The following ATRNL1 variants were observed in gnomAD, a reference collection of about 807,000 sequenced individuals.
The protein encoded by ATRNL1 is attractin like 1.
Under a neutral mutation model 182.7 loss-of-function variants are expected in ATRNL1, and 95 were observed. That is an observed-to-expected ratio of 0.52 (90% CI 0.44 to 0.62). The LOEUF is 0.62. Ranked by LOEUF, ATRNL1 falls within the 20% of genes least tolerant of loss-of-function variation. The pLI is 0.00. For synonymous variants in ATRNL1, 576 were observed against 568.3 expected (o/e 1.01, Z -0.19); for missense variants, 1,471 against 1,679.5 (o/e 0.88, Z 2.17).
At chr10:115,289,450 C>A (rs1206949023) in intron 15 of ATRNL1, among the ~76,000 whole-genome samples, 2 of 152,050 alleles carry the variant, frequency 1.3e-5, no homozygotes, top group African/African-American at 2.4e-5. Flanking sequence ...TTCATAAAAT[C>A]TTTTAGTAAA....
intron 23 of ATRNL1, among the ~76,000 whole-genome samples, chr10:115,467,594 A>C (rs1848114266): frequency 6.6e-6 from 1 of 150,734 alleles, no homozygotes; most frequent in Middle Eastern, 3.2e-3. Context: ...TATTAAAACT[A>C]TAAATTTAAT....
At chr10:115,233,052 G>T (rs1370904745) in intron 9 of ATRNL1, among the ~76,000 whole-genome samples, 1 of 151,888 alleles carries the variant, frequency 6.6e-6, no homozygotes, top group African/African-American at 2.4e-5. Flanking sequence ...ACATTCCTGG[G>T]CATACTTTGA....
At chr10:115,785,084 G>A (rs566992808) in intron 27 of ATRNL1, among the ~76,000 whole-genome samples, 20 of 152,270 alleles carry the variant, frequency 1.3e-4, no homozygotes, top group African/African-American at 4.8e-4. Flanking sequence ...TCTAAACCAG[G>A]TATAGGTAAG....
At chr10:115,127,561 T>C in intron 3 of ATRNL1, 32 bp from the exon 4 acceptor site, 1 of 1,570,652 alleles carries the variant, frequency 6.4e-7, no homozygotes, top group Non-Finnish European at 8.7e-7. Context: ...TGTATATCTA[T>C]ACATACAATA....
At chr10:115,193,810 T>C (rs1348178212) in intron 8 of ATRNL1, among the ~76,000 whole-genome samples, 1 of 151,894 alleles carries the variant, frequency 6.6e-6, no homozygotes, top group Non-Finnish European at 1.5e-5. Flanking sequence ...TTTGAAGCTT[T>C]TCTATTTTTT....
At chr10:115,265,376 AT>A (rs1851567493) in intron 11 of ATRNL1, 99 bp downstream of exon 11, 1 of 690,470 alleles carries the variant, frequency 1.4e-6, no homozygotes, top group Non-Finnish European at 2.4e-6. Flanking sequence ...TTGGTACTTA[AT>A]GGTATTGGAT....
chr10:115,775,724 A>G (rs1949105726), intron 27 of ATRNL1, among the ~76,000 whole-genome samples: 1 of 152,150 alleles, frequency 6.6e-6, no homozygotes, highest in Non-Finnish European at 1.5e-5. Context: ...TGGGAGGCCA[A>G]GGCAGGCTGA....
At chr10:115,151,928 A>G (rs1846252742) in intron 5 of ATRNL1, among the ~76,000 whole-genome samples, 1 of 152,202 alleles carries the variant, frequency 6.6e-6, no homozygotes, top group Non-Finnish European at 1.5e-5. Context: ...AGCCTTCTAC[A>G]TATGGCTAGC....
chr10:115,583,663 G>C (rs1195308555), intron 26 of ATRNL1, among the ~76,000 whole-genome samples: 2 of 146,004 alleles, frequency 1.4e-5, no homozygotes, highest in Non-Finnish European at 3.1e-5. Flanking sequence ...GAGACAATGG[G>C]GTTTTCTAGA....
chr10:115,849,327 A>G (rs1262847658), intron 28 of ATRNL1, among the ~76,000 whole-genome samples: 5 of 152,212 alleles, frequency 3.3e-5, no homozygotes, highest in Non-Finnish European at 5.9e-5. Flanking sequence ...ATGGATAATT[A>G]TAGGTACTTG....
At chr10:115,571,191 G>C (rs936139538) in intron 26 of ATRNL1, among the ~76,000 whole-genome samples, 2 of 152,116 alleles carry the variant, frequency 1.3e-5, no homozygotes, top group African/African-American at 2.4e-5. Flanking sequence ...TTATAGACTA[G>C]ACCTATAATT....
chr10:115,856,402 T>C (rs1206861771), intron 28 of ATRNL1, among the ~76,000 whole-genome samples: 1 of 93,772 alleles, frequency 1.1e-5, no homozygotes, highest in African/African-American at 3.9e-5. Flanking sequence ...CACTCCAGCC[T>C]GGGCAACAAG....
At chr10:115,118,293 A>C (rs1844579293) in intron 1 of ATRNL1, among the ~76,000 whole-genome samples, 1 of 151,886 alleles carries the variant, frequency 6.6e-6, no homozygotes, top group Admixed American at 6.6e-5. Flanking sequence ...TATCCTGGAG[A>C]GTTTCCCCAA....
At chr10:115,684,103 A>G (rs782436097) in intron 26 of ATRNL1, among the ~76,000 whole-genome samples, 15 of 151,744 alleles carry the variant, frequency 9.9e-5, no homozygotes, top group Non-Finnish European at 2.1e-4. Context: ...ATTAATTATT[A>G]CATAGTAGTT....
At chr10:115,576,231 G>A (rs188273469) in intron 26 of ATRNL1, among the ~76,000 whole-genome samples, 15 of 152,052 alleles carry the variant, frequency 9.9e-5, no homozygotes, top group Admixed American at 3.3e-4. Flanking sequence ...TGCTGATTTC[G>A]TTTCCTTTGG....
chr10:115,817,184 G>T (rs2134272106), intron 27 of ATRNL1, among the ~76,000 whole-genome samples: 1 of 152,012 alleles, frequency 6.6e-6, no homozygotes, highest in African/African-American at 2.4e-5. Flanking sequence ...TTAAAACCAA[G>T]AATTTAAGCT....
At chr10:115,143,379 G>A (rs1354724252) in intron 5 of ATRNL1, among the ~76,000 whole-genome samples, 1 of 151,462 alleles carries the variant, frequency 6.6e-6, no homozygotes, top group African/African-American at 2.4e-5. Context: ...ATTTTCAGCT[G>A]ATCAGAACCA....
chr10:115,419,059 TA>T (rs1465265320), intron 20 of ATRNL1, among the ~76,000 whole-genome samples: 4 of 152,156 alleles, frequency 2.6e-5, no homozygotes, highest in Non-Finnish European at 4.4e-5. Flanking sequence ...GACAAAACTA[TA>T]AAAAACTACA....
At chr10:115,915,643 C>A (rs1178744897) in intron 28 of ATRNL1, among the ~76,000 whole-genome samples, 3 of 152,092 alleles carry the variant, frequency 2.0e-5, no homozygotes, top group Admixed American at 2.0e-4. Context: ...TTTAAATGAA[C>A]ATCTTGCCTT....
Sources: allele counts gnomAD v4.1 joint callset (sites outside exome capture counted in the v4.1 genomes callset), GRCh38; gene constraint gnomAD v4.1.1; transcripts MANE v1.5; gene names NCBI Gene and HGNC (gene_info 2026-07-23, HGNC 2026-07-21).